IGSF21: variants seen among roughly 807,000 people sequenced by gnomAD.
The protein encoded by IGSF21 is immunoglobin superfamily member 21.
Under a neutral mutation model 46.8 loss-of-function variants are expected in IGSF21, and 28 were observed. The ratio of observed to expected loss-of-function variants is 0.60; its 90% CI spans 0.44 to 0.82. The LOEUF (loss-of-function observed/expected upper bound fraction) is 0.82, where lower values mean the gene tolerates loss of function less well. Ranked by LOEUF, IGSF21 falls within the 40% of genes least tolerant of loss-of-function variation. The pLI is 0.00. For missense variants in IGSF21, 624 were observed against 665.5 expected, an observed-to-expected ratio of 0.94 and a Z score of 0.69; for synonymous variants, 284 against 273.6, an observed-to-expected ratio of 1.04 and a Z score of -0.38.
chr1:18,170,223 G>A (rs1379351486), intron 1 of IGSF21, among the ~76,000 whole-genome samples: 2 of 152,154 alleles, frequency 1.3e-5, no homozygotes, highest in East Asian at 3.9e-4. Context: ...AGTGGCAGGG[G>A]CAGGGGAGGA....
chr1:18,226,368 C>T (rs575035698), intron 1 of IGSF21, among the ~76,000 whole-genome samples: 110 of 152,284 alleles, frequency 7.2e-4, no homozygotes, highest in Admixed American at 2.2e-3. Flanking sequence ...GGCCCCAGGC[C>T]CGCACAGGGT....
intron 5 of IGSF21, among the ~76,000 whole-genome samples, chr1:18,364,826 A>G (rs1021872191): frequency 2.0e-5 from 3 of 152,082 alleles, no homozygotes; most frequent in Admixed American, 6.5e-5. Flanking sequence ...CTGAGTGGGC[A>G]TGGACCACAC....
intron 2 of IGSF21, among the ~76,000 whole-genome samples, chr1:18,254,307 T>G (rs1416099898): frequency 6.9e-6 from 1 of 145,186 alleles, no homozygotes; most frequent in African/African-American, 2.8e-5. Context: ...TCCCTCTTTT[T>G]GAGCCATTCA....
At chr1:18,117,258 G>A (rs1193291008) in intron 1 of IGSF21, among the ~76,000 whole-genome samples, 1 of 152,220 alleles carries the variant, frequency 6.6e-6, no homozygotes, top group Non-Finnish European at 1.5e-5. Context: ...CTGACCCAGT[G>A]AGGAGGGAAA....
In IGSF21 at chr1:18,109,167, A is replaced by G. The variant is rs2086118828; in HGVS notation, c.70+969A>G. 6.6e-6 allele frequency among the ~76,000 whole-genome samples: 1 copy of G among 151,858 alleles called. No homozygotes were observed. The highest frequency in any genetic ancestry group is 2.1e-4 in the South Asian group (1 of 4,800). ...AGTGCCGCCGCGTAGTGGGTCTTAA[A>G]TGGAGCTGAACCCTTTCGCGCAGTG... On this transcript the variant is annotated intron_variant, in intron 1 of 9. Coordinates refer to ENST00000251296, the MANE Select transcript of IGSF21 (RefSeq NM_032880.5). This position sits in a 1 kb window ranked among gnomAD's most constrained non-coding sequence, Gnocchi z 4.8.
chr1:18,202,933 C>T (rs564659047), intron 1 of IGSF21, among the ~76,000 whole-genome samples: 10 of 152,312 alleles, frequency 6.6e-5, no homozygotes, highest in Admixed American at 3.3e-4. Context: ...TGCCATGGGC[C>T]TGGTCCATTA....
chr1:18,222,211 A>C (rs2084517377), intron 1 of IGSF21, among the ~76,000 whole-genome samples: 1 of 152,124 alleles, frequency 6.6e-6, no homozygotes, highest in African/African-American at 2.4e-5. Flanking sequence ...TCCCCAGCAG[A>C]AGCCTTCTTG....
rs527327350 is a variant in IGSF21, at chr1:18,127,732, ATC to A, written c.70+19538_70+19539del. Reference sequence around the variant, plus strand: ...AGCCTGGGAAACATGGTGAAACCTCATCTCTACCAAACAAATAAAGAATAAAA... The same window carrying A: ...AGCCTGGGAAACATGGTGAAACCTCATCTACCAAACAAATAAAGAATAAAA... On this transcript the variant is annotated intron_variant, in intron 1 of 9. Transcript: ENST00000251296. 3.6e-3 allele frequency among the ~76,000 whole-genome samples: 554 copies of A among 152,250 alleles called. 2 individuals carry two copies. Among genetic ancestry groups the A allele is most frequent in the African/African-American group, 0.012 (517 of 41,544 alleles).
At chr1:18,129,365 G>T (rs1248471356) in intron 1 of IGSF21, among the ~76,000 whole-genome samples, 1 of 152,156 alleles carries the variant, frequency 6.6e-6, no homozygotes, top group Non-Finnish European at 1.5e-5. Context: ...GGTCAGCAGA[G>T]GGGGACCCTT....
chr1:18,365,509 G>C lies in IGSF21; in HGVS notation c.827G>C (p.Arg276Pro). 1 of 1,613,644 alleles carries C rather than the reference G, an allele frequency of 6.2e-7. No individual in the cohort carries two copies. Among genetic ancestry groups the C allele is most frequent in the East Asian group, 2.2e-5 (1 of 44,838 alleles). Residue 276 changes from arginine to proline, a missense_variant, in exon 6 of 10, where the codon CGC becomes CCC. Physicochemically the swap from Arg to Pro is moderately radical, Grantham distance 103 (BLOSUM62 -2). Transcript: ENST00000251296. The surrounding 1 kb of genome is among the most constrained non-coding windows in gnomAD (Gnocchi z 4.8). ...ACGGTCGTGAGCCGTGAGTTTCCCCGCTGGGTCCACAGCGCCGAGCCCACC... is the reference window on the plus strand; with the variant it reads ...ACGGTCGTGAGCCGTGAGTTTCCCCCCTGGGTCCACAGCGCCGAGCCCACC... ...PETVVSREFP[R>P]WVHSAEPTYF...
chr1:18,375,775 C>T (rs2086274237), intron 6 of IGSF21, among the ~76,000 whole-genome samples: 1 of 152,188 alleles, frequency 6.6e-6, no homozygotes. Flanking sequence ...TGGCAAATCA[C>T]TTCATGACCC....
At chr1:18,347,729 G>A (rs888355032) in intron 4 of IGSF21, among the ~76,000 whole-genome samples, 1 of 152,208 alleles carries the variant, frequency 6.6e-6, no homozygotes, top group East Asian at 1.9e-4. Context: ...CAGTCAAGCA[G>A]CACACAGTTT....
chr1:18,317,875 A>G (rs2085558908), intron 3 of IGSF21, among the ~76,000 whole-genome samples: 1 of 152,152 alleles, frequency 6.6e-6, no homozygotes, highest in South Asian at 2.1e-4. Flanking sequence ...TACTCTCATT[A>G]CCCCAAATTG....
intron 3 of IGSF21, among the ~76,000 whole-genome samples, chr1:18,305,503 TGGATGG>T (rs1288763360): frequency 1.5e-5 from 2 of 135,742 alleles, no homozygotes; most frequent in Non-Finnish European, 3.1e-5. Context: ...GATGGATGGA[TGGATGG>T]ATGAATGGAT....
intron 4 of IGSF21, among the ~76,000 whole-genome samples, chr1:18,359,383 A>AAAGGAAGAAAGG (rs2086065133): frequency 4.9e-5 from 3 of 61,030 alleles, no homozygotes; most frequent in Non-Finnish European, 6.4e-5. Context: ...AGAAAGAAAG[A>AAAGGAAGAAAGG]AAGGAAGGAA....
At chr1:18,342,054 GTTT>G (rs60349068) in intron 4 of IGSF21, among the ~76,000 whole-genome samples, 176 of 144,622 alleles carry the variant, frequency 1.2e-3, no homozygotes, top group African/African-American at 3.0e-3. Context: ...CATTTTCCTT[GTTT>G]TTTTTTTTTT....
intron 2 of IGSF21, among the ~76,000 whole-genome samples, chr1:18,239,710 T>A (rs1158271324): frequency 6.6e-6 from 1 of 152,140 alleles, no homozygotes; most frequent in Non-Finnish European, 1.5e-5. Flanking sequence ...CCCCTCCATC[T>A]GGTCAACTCC....
At chr1:18,372,333 T>A (rs1356454758) in intron 6 of IGSF21, among the ~76,000 whole-genome samples, 1 of 152,298 alleles carries the variant, frequency 6.6e-6, no homozygotes, top group African/African-American at 2.4e-5. Flanking sequence ...CATCATAGTA[T>A]CCCCAACAGT....
Position 18,206,722 on chromosome 1 carries a change from C to T in IGSF21, c.71-21176C>T, listed in dbSNP as rs1056720110. On this transcript the variant is annotated intron_variant, in intron 1 of 9. Coordinates refer to ENST00000251296, the MANE Select transcript of IGSF21 (RefSeq NM_032880.5). ...CTGGAGTGAGAGCTGGGTGCCTCAC[C>T]GCACAGGCTTCTGGGCCATGGAGAG... Among the ~76,000 whole-genome samples the T allele has an allele frequency of 2.3e-4, 35 of 152,196 alleles. 1 individual carries two copies. In the East Asian group the frequency reaches 5.6e-3, roughly 24 times the overall value.
Sources: allele counts gnomAD v4.1 joint callset (sites outside exome capture counted in the v4.1 genomes callset), GRCh38; gene constraint gnomAD v4.1.1; non-coding constraint Gnocchi (gnomAD v3.1); transcripts MANE v1.5; gene names NCBI Gene and HGNC (gene_info 2026-07-23, HGNC 2026-07-21).